The following TRIM7 variants were observed in gnomAD, a reference collection of about 807,000 sequenced individuals.
The protein encoded by TRIM7 is E3 ubiquitin-protein ligase TRIM7.
In TRIM7, 32 loss-of-function variants were observed where a neutral mutation model predicts 37.9. That is an observed-to-expected ratio of 0.84 (90% confidence interval 0.64 to 1.13). The LOEUF is 1.13. TRIM7 is among the 50% of genes most tolerant of loss of function. The probability of loss-of-function intolerance (pLI) is 0.00; values close to 1 mark genes in which losing one functional copy is unlikely to be tolerated. For synonymous variants in TRIM7, 351 were observed against 321.3 expected (o/e 1.09, Z -0.99); for missense variants, 732 against 714.0 (o/e 1.03, Z -0.29).
chr5:181,195,398 A>T lies in TRIM7; in HGVS notation c.1304T>A (p.Leu435Gln), dbSNP rs768682055. ...CCAGTACTGGCCGCCGTTGAGCTGC[A>T]GGGCCCAGACGCCCTCCTCGGGAGT... ...PFTPEEGVWA[L>Q]QLNGGQYWAV... The change falls in exon 7 of 7, where the codon CTG becomes CAG. Residue 435 changes from leucine (L) to glutamine (Q), a missense_variant. Leu to Gln is a moderately radical substitution (Grantham distance 113). Transcript: ENST00000274773. 3.1e-5 allele frequency: 49 copies of T among 1,589,456 alleles called. No homozygotes were observed. The highest frequency in any genetic ancestry group is 5.4e-5 in the African/African-American group (4 of 74,268).
chr5:181,199,714 AG>A (rs1757355235), intron 3 of TRIM7, 136 bp downstream of exon 3: 1 of 1,396,638 alleles, frequency 7.2e-7, no homozygotes, highest in Non-Finnish European at 9.4e-7. Flanking sequence ...CAGGAAAATC[AG>A]GGCACTTCTC....
At chr5:181,199,201 C>G in intron 3 of TRIM7, 84 bp from the exon 4 acceptor site, 1 of 1,524,062 alleles carries the variant, frequency 6.6e-7, no homozygotes, top group East Asian at 2.2e-5. Flanking sequence ...CCTTGCTGTG[C>G]CTCCCAGATG....
rs1757678847 is a variant in TRIM7 at position 181,204,151 on chromosome 5, T to A, written c.522+438A>T. 5.0e-6 allele frequency: 5 copies of A among 1,003,050 alleles called. No individual in the cohort carries two copies. In the South Asian group the frequency reaches 2.3e-4, roughly 46 times the overall value. The allele number at this position is 1,003,050 out of a possible 1,614,324, so 62.1% of individuals were successfully genotyped here. A position where few individuals can be genotyped will look rare whatever the true frequency, so the allele number is the denominator to read the frequency against. On this transcript the variant is annotated intron_variant, in intron 1 of 6. Transcript: ENST00000274773. ...CTCCCTGGACATCTTGGCGAGGTCCTCTCACTCAGTTCCACGAGGTGGGGA... is the reference window on the plus strand; with the variant it reads ...CTCCCTGGACATCTTGGCGAGGTCCACTCACTCAGTTCCACGAGGTGGGGA...
At chr5:181,196,862 A>G (rs1022221358) in intron 6 of TRIM7, 2 of 152,220 alleles carry the variant, frequency 1.3e-5, no homozygotes, top group Admixed American at 1.3e-4. Flanking sequence ...GAAATTTTTC[A>G]TAATAAAAAG....
intron 6 of TRIM7, chr5:181,197,200 G>C (rs965250289): frequency 6.6e-6 from 1 of 151,928 alleles, no homozygotes; most frequent in Non-Finnish European, 1.5e-5. Flanking sequence ...GCACTACTAC[G>C]ATTGAGGCCC....
At position 181,195,289 on chromosome 5, in the gene TRIM7, G is replaced by C. The variant is rs1330481117; in HGVS notation, c.1413C>G (p.Ala471=). The C allele has an allele frequency of 6.2e-7, 1 of 1,605,584 alleles. No homozygotes were observed. The highest frequency in any genetic ancestry group is 1.7e-5 in the Admixed American group (1 of 58,720). The stretch of plus-strand genomic sequence containing the variant: ...TGTCCTCCACAGCGTAGAAGGACAC[G>C]GCTCCCACCTCCAGGTCCAGGGCCA... ...VRVALDLEVG[A]VSFYAVEDMR... Residue 471 remains alanine (A), a synonymous_variant, in exon 7 of 7, where the codon GCC becomes GCG. Coordinates refer to ENST00000274773, the MANE Select transcript of TRIM7 (RefSeq NM_203293.3).
chr5:181,198,915 GC>G (rs1757306478), intron 4 of TRIM7, 110 bp from the exon 5 acceptor site: 3 of 1,181,278 alleles, frequency 2.5e-6, no homozygotes, highest in African/African-American at 3.1e-5. Flanking sequence ...AAAAGGGAGA[GC>G]CAGACCTCAT....
At position 181,195,555 on chromosome 5, in the gene TRIM7, T is replaced by G; in HGVS notation, c.1147A>C (p.Asn383His). Residue 383 changes from asparagine to histidine, a missense_variant, in exon 7 of 7, where the codon AAC (asparagine) becomes CAC (histidine). Physicochemically the swap from Asn to His is moderately conservative, Grantham distance 68. Coordinates refer to ENST00000274773, the MANE Select transcript of TRIM7 (RefSeq NM_203293.3). Reference protein sequence around the residue: ...LPNHPCRFDTNTRVLASCGFS... With the variant: ...LPNHPCRFDTHTRVLASCGFS... ...CCGCAGGACGCCAGGACGCGGGTGT[T>G]GGTGTCGAAGCGGCAGGGGTGGTTG... 6 of 1,611,278 alleles carry G rather than the reference T, an allele frequency of 3.7e-6. No homozygotes were observed. Among genetic ancestry groups the G allele is most frequent in the Non-Finnish European group, 5.1e-6 (6 of 1,178,296 alleles).
At chr5:181,199,580 C>T (rs1163508237) in intron 3 of TRIM7, 2 of 546,386 alleles carry the variant, frequency 3.7e-6, no homozygotes, top group Non-Finnish European at 3.2e-6. Context: ...AAAGTGCATA[C>T]GTGTAGCAAA....
chr5:181,201,478 C>T (rs1757479139), intron 2 of TRIM7, among the ~76,000 whole-genome samples: 1 of 152,188 alleles, frequency 6.6e-6, no homozygotes, highest in South Asian at 2.1e-4. Context: ...GTAGAGCTCA[C>T]ACCTGTCATC....
intron 2 of TRIM7, among the ~76,000 whole-genome samples, chr5:181,201,203 C>A (rs1358755725): frequency 7.9e-5 from 12 of 152,308 alleles, no homozygotes; most frequent in African/African-American, 2.9e-4. Context: ...CTGCCCTGTG[C>A]CTTGTAGGAC....
At chr5:181,202,683 C>T (rs1757570821) in intron 2 of TRIM7, 2 of 152,030 alleles carry the variant, frequency 1.3e-5, no homozygotes. Context: ...TCTCCTGCCT[C>T]AGCCTCCGGA....
rs1297836605 is a variant in TRIM7, at chr5:181,204,962, C to T, written c.149G>A (p.Arg50His). 6.8e-7 allele frequency: 1 copy of T among 1,474,260 alleles called. No individual in the cohort carries two copies. The highest frequency in any genetic ancestry group is 1.3e-5 in the South Asian group (1 of 77,184). The allele number at this position is 1,474,260 out of a possible 1,614,324, so 91.3% of individuals were successfully genotyped here. ...CTCCCAGCAGCGCCCTATGCAGGCG[C>T]GGCAGAAGCTGTGGCCGCACTCGAC... ...VSVECGHSFC[R>H]ACIGRCWERP... Residue 50 changes from arginine (R) to histidine (H), a missense_variant, in exon 1 of 7, where the codon CGC (arginine) becomes CAC (histidine). By Grantham distance (29) the Arg-to-His change is conservative (BLOSUM62 0). Transcript: ENST00000274773.
chr5:181,194,833 T>G lies in TRIM7; in HGVS notation c.*333A>C. The G allele has an allele frequency of 1.6e-5, 4 of 243,072 alleles. No individual in the cohort carries two copies. Among genetic ancestry groups the G allele is most frequent in the Non-Finnish European group, 1.6e-5 (2 of 126,916 alleles). The allele number at this position is 243,072 out of a possible 1,614,324, so 15.1% of individuals were successfully genotyped here. On this transcript the variant is annotated 3_prime_UTR_variant, in exon 7 of 7. Coordinates refer to ENST00000274773, the MANE Select transcript of TRIM7 (RefSeq NM_203293.3). ...GAGAACAGCAGGACTGGCTTTGACA[T>G]TGTTTTAGGGAGCCAGGCACCCTTC...
chr5:181,203,473 A>C, intron 2 of TRIM7, 72 bp downstream of exon 2: 2 of 1,599,974 alleles, frequency 1.3e-6, no homozygotes, highest in Non-Finnish European at 1.7e-6. Flanking sequence ...AACACCACAC[A>C]CACCGAGCCC....
At chr5:181,199,246 G>T in intron 3 of TRIM7, 129 bp from the exon 4 acceptor site, 1 of 1,091,038 alleles carries the variant, frequency 9.2e-7, no homozygotes, top group Non-Finnish European at 1.4e-6. Context: ...CTCACTGCCT[G>T]CGTGGGCCTC....
At position 181,198,775 on chromosome 5, in the gene TRIM7, G is replaced by C. The variant is rs377597666; in HGVS notation, c.903C>G (p.Thr301=). The C allele has an allele frequency of 1.1e-5, 18 of 1,613,952 alleles. No individual in the cohort carries two copies. The highest frequency in any genetic ancestry group is 1.4e-5 in the Non-Finnish European group (17 of 1,179,980). ...RCSNVPGPKP[T]TVSSEMKNKV... ...TATTCTTCATCTCAGAAGAGACTGT[G>C]GTTGGCTTGGGGCCAGGCACATTGC... is the stretch of plus-strand genomic sequence containing the variant. Residue 301 remains threonine, a synonymous_variant, in exon 5 of 7, where the codon ACC becomes ACG. Coordinates refer to ENST00000274773, the MANE Select transcript of TRIM7 (RefSeq NM_203293.3).
Position 181,204,878 on chromosome 5 carries a change from C to G in TRIM7, c.233G>C (p.Cys78Ser). The G allele has an allele frequency of 7.4e-7, 1 of 1,356,980 alleles. No homozygotes were observed. Among genetic ancestry groups the G allele is most frequent in the Non-Finnish European group, 9.4e-7 (1 of 1,064,716 alleles). The allele number at this position is 1,356,980 out of a possible 1,614,324, so 84.1% of individuals were successfully genotyped here. ...GCGCGCGGGCTCGCGGCACTGCGGA[C>G]AGGGCAGTGGGAAGGGGGGCGCGCG... is the stretch of plus-strand genomic sequence containing the variant. ...ATRAPPFPLP[C>S]PQCREPARPS... is the part of the protein sequence containing the mutation. Residue 78 changes from cysteine to serine, a missense_variant, in exon 1 of 7, where the codon TGT (cysteine) becomes TCT (serine). Physicochemically the swap from Cys to Ser is moderately radical, Grantham distance 112. Transcript: ENST00000274773.
rs571359889 is a variant in TRIM7, at chr5:181,204,406, G to C, written c.522+183C>G. 634 of 1,183,844 alleles carry C rather than the reference G, an allele frequency of 5.4e-4. 13 individuals are homozygous for C. In the East Asian group the frequency reaches 0.02, roughly 37 times the overall value. 73.3% of individuals were successfully genotyped at this position (1,183,844 alleles called of 1,614,324 possible). On this transcript the variant is annotated intron_variant, in intron 1 of 6. Transcript: ENST00000274773. The stretch of plus-strand genomic sequence containing the variant: ...TGGGGTGGGGGTATTGGTGATGTTG[G>C]GGGTGACAGAGAACCGCGCTCAGCC...
Sources: allele counts gnomAD v4.1 joint callset (sites outside exome capture counted in the v4.1 genomes callset), GRCh38; gene constraint gnomAD v4.1.1; transcripts MANE v1.5; gene names NCBI Gene and HGNC (gene_info 2026-07-23, HGNC 2026-07-21).